The following DLG2 variants were observed in gnomAD, a reference collection of about 807,000 sequenced individuals.
DLG2 encodes disks large homolog 2.
In DLG2, 45 loss-of-function variants were observed where a neutral mutation model predicts 132.5. The ratio of observed to expected loss-of-function variants is 0.34; its 90% CI spans 0.27 to 0.44. DLG2 has a LOEUF of 0.44. Ranked by LOEUF, DLG2 falls within the 20% of genes least tolerant of loss-of-function variation. The pLI, the probability that DLG2 is intolerant of heterozygous loss-of-function variation, is 1.00. For missense variants in DLG2, 1,045 were observed against 1,196.9 expected (o/e 0.87, Z 1.87); for synonymous variants, 424 against 419.6 (o/e 1.01, Z -0.13).
At chr11:85,468,364 T>A (rs1024742340) in intron 3 of DLG2, among the ~76,000 whole-genome samples, 2 of 152,186 alleles carry the variant, frequency 1.3e-5, no homozygotes, top group African/African-American at 4.8e-5. Context: ...CTTTTGAATG[T>A]GTTTGCTCTT....
intron 8 of DLG2, among the ~76,000 whole-genome samples, chr11:84,220,048 C>T (rs1694445529): frequency 6.6e-6 from 1 of 152,192 alleles, no homozygotes; most frequent in South Asian, 2.1e-4. Flanking sequence ...CACTTTTACC[C>T]TGAAAATGTC....
At chr11:84,044,047 T>C (rs2096175842) in intron 11 of DLG2, among the ~76,000 whole-genome samples, 1 of 151,668 alleles carries the variant, frequency 6.6e-6, no homozygotes, top group Non-Finnish European at 1.5e-5. Flanking sequence ...TTCTTTTTTT[T>C]AGAGGTTATG....
At chr11:84,969,934 G>A (rs61909085) in intron 6 of DLG2, among the ~76,000 whole-genome samples, 15 of 152,190 alleles carry the variant, frequency 9.9e-5, no homozygotes, top group South Asian at 2.1e-4. Flanking sequence ...ACCAAACACC[G>A]CATGTTTTCA....
chr11:84,119,252 T>A (rs1803470451), intron 9 of DLG2, among the ~76,000 whole-genome samples: 1 of 152,050 alleles, frequency 6.6e-6, no homozygotes, highest in African/African-American at 2.4e-5. Context: ...AGATAAAACC[T>A]TATTACCCAA....
chr11:84,238,065 G>GAAAGA (rs1290380921), intron 8 of DLG2, among the ~76,000 whole-genome samples: 37 of 118,728 alleles, frequency 3.1e-4, no homozygotes, highest in African/African-American at 1.1e-3. Context: ...AAAAAAAAAA[G>GAAAGA]AAAGAAAAGA....
chr11:85,148,246 T>A (rs532832741), intron 5 of DLG2, among the ~76,000 whole-genome samples: 11 of 152,356 alleles, frequency 7.2e-5, no homozygotes, highest in Admixed American at 7.2e-4. Context: ...CGGAATGATT[T>A]ATATTCCTTT....
intron 7 of DLG2, among the ~76,000 whole-genome samples, chr11:84,385,239 A>T (rs1002402984): frequency 1.3e-5 from 2 of 152,094 alleles, no homozygotes; most frequent in Non-Finnish European, 2.9e-5. Flanking sequence ...CTCTTTAAAG[A>T]GTTTTAAAAA....
intron 6 of DLG2, among the ~76,000 whole-genome samples, chr11:84,695,059 A>T (rs1366680546): frequency 6.6e-6 from 1 of 151,506 alleles, no homozygotes; most frequent in Non-Finnish European, 1.5e-5. Context: ...AGCTTCTATA[A>T]GATTAAAAAA....
chr11:84,122,640 T>C (rs941198899), intron 9 of DLG2, among the ~76,000 whole-genome samples: 2 of 152,202 alleles, frequency 1.3e-5, no homozygotes, highest in African/African-American at 4.8e-5. Context: ...TTTCAGCACA[T>C]ATTAGAGGCT....
intron 6 of DLG2, among the ~76,000 whole-genome samples, chr11:84,572,665 G>A (rs1023226500): frequency 1.3e-5 from 2 of 151,998 alleles, no homozygotes; most frequent in Non-Finnish European, 2.9e-5. Flanking sequence ...TGCAAACAAG[G>A]TGACACCCTG....
At chr11:84,088,129 T>C (rs918317512) in intron 10 of DLG2, among the ~76,000 whole-genome samples, 5 of 152,208 alleles carry the variant, frequency 3.3e-5, no homozygotes, top group Non-Finnish European at 7.3e-5. Flanking sequence ...AGTTTTTAAT[T>C]GACGAACTCC....
chr11:84,165,721 A>G (rs2095646643), intron 8 of DLG2, among the ~76,000 whole-genome samples: 2 of 152,134 alleles, frequency 1.3e-5, no homozygotes, highest in African/African-American at 4.8e-5. Context: ...AATATGGTGA[A>G]ACCCCGTCTC....
In DLG2 at chr11:83,642,129, T is replaced by A. The variant is rs1013091325; in HGVS notation, c.1826-8804A>T. On this transcript the variant is annotated intron_variant, in intron 18 of 27. Coordinates refer to ENST00000376104, the MANE Select transcript of DLG2 (RefSeq NM_001142699.3). ...ATTAATAACTCAGTTATGGATACCATGAGGGCAAGGATGTTATCATGTTTT... is the reference window on the plus strand; with the variant it reads ...ATTAATAACTCAGTTATGGATACCAAGAGGGCAAGGATGTTATCATGTTTT... Among the ~76,000 whole-genome samples the A allele has an allele frequency of 3.9e-5, 6 of 152,158 alleles. No individual in the cohort carries two copies. In the South Asian group the frequency reaches 1.2e-3, roughly 32 times the overall value.
At chr11:84,934,525 GT>G (rs757894179) in intron 6 of DLG2, among the ~76,000 whole-genome samples, 12 of 38,660 alleles carry the variant, frequency 3.1e-4, no homozygotes, top group Non-Finnish European at 4.8e-4. Context: ...GTTTTGTTTT[GT>G]TTTTTTTTTT....
At chr11:85,610,698 G>A (rs1226754035) in intron 2 of DLG2, among the ~76,000 whole-genome samples, 1 of 152,218 alleles carries the variant, frequency 6.6e-6, no homozygotes, top group Non-Finnish European at 1.5e-5. Context: ...GAACTTTCTA[G>A]CTAATCAAGG....
chr11:84,368,443 C>T (rs955637469), intron 7 of DLG2, among the ~76,000 whole-genome samples: 6 of 151,916 alleles, frequency 3.9e-5, no homozygotes, highest in East Asian at 1.9e-4. Context: ...TCAAGATAAA[C>T]GGTCACTAAA....
chr11:84,086,593 G>A (rs563645086), intron 10 of DLG2, among the ~76,000 whole-genome samples: 46 of 150,346 alleles, frequency 3.1e-4, no homozygotes, highest in Non-Finnish European at 5.2e-4. Flanking sequence ...GGGCTCAAGC[G>A]ATCCTCCCAC....
chr11:84,456,671 A>G (rs919779077), intron 7 of DLG2, among the ~76,000 whole-genome samples: 3 of 151,394 alleles, frequency 2.0e-5, no homozygotes, highest in Non-Finnish European at 4.4e-5. Flanking sequence ...CACATTTTCA[A>G]TGAATCTGTT....
At chr11:83,851,328 T>C (rs1221454820) in intron 16 of DLG2, among the ~76,000 whole-genome samples, 5 of 151,966 alleles carry the variant, frequency 3.3e-5, no homozygotes. Flanking sequence ...GGTCTCCTTA[T>C]AAGGAGACAG....
Sources: gnomAD v4.1 joint callset for allele counts (sites outside exome capture counted in the v4.1 genomes callset) on GRCh38, gnomAD v4.1.1 for gene constraint, MANE v1.5 for transcripts, NCBI Gene and HGNC (gene_info 2026-07-23, HGNC 2026-07-21) for gene names.